Variants in ANXA3 observed in about 807,000 individuals in gnomAD.
ANXA3 encodes the protein 35-alpha calcimedin.
Under a neutral mutation model 48.8 loss-of-function variants are expected in ANXA3, and 46 were observed. That is an observed-to-expected ratio of 0.94 (90% CI 0.74 to 1.21). ANXA3 has a LOEUF of 1.21. ANXA3 is among the 50% of genes most tolerant of loss of function. The probability of loss-of-function intolerance (pLI) is 0.00; values close to 1 mark genes in which losing one functional copy is unlikely to be tolerated. For missense variants in ANXA3, 383 were observed against 378.6 expected (o/e 1.01, Z -0.10); for synonymous variants, 128 against 134.7 (o/e 0.95, Z 0.35).
chr4:78,587,500 C>G (rs1723202864), intron 6 of ANXA3, among the ~76,000 whole-genome samples: 1 of 152,204 alleles, frequency 6.6e-6, no homozygotes, highest in Non-Finnish European at 1.5e-5. Context: ...CAGCCCAATT[C>G]TCTACTATTC....
intron 3 of ANXA3, among the ~76,000 whole-genome samples, chr4:78,573,772 T>A (rs1274958074): frequency 6.6e-6 from 1 of 152,198 alleles, no homozygotes; most frequent in Non-Finnish European, 1.5e-5. Context: ...GAAACTGTAG[T>A]GCCACCCCTT....
At chr4:78,592,270 GAA>G (rs1326420078) in intron 7 of ANXA3, among the ~76,000 whole-genome samples, 2 of 152,150 alleles carry the variant, frequency 1.3e-5, no homozygotes, top group African/African-American at 4.8e-5. Flanking sequence ...GTGTAAGAGA[GAA>G]CGTGATTTAA....
intron 2 of ANXA3, among the ~76,000 whole-genome samples, chr4:78,558,304 G>A (rs1370282111): frequency 2.0e-5 from 3 of 152,206 alleles, no homozygotes; most frequent in Admixed American, 6.5e-5. Flanking sequence ...TTCTGAAGAT[G>A]TTTCAAAACA....
At chr4:78,553,633 C>T (rs796865664) in intron 1 of ANXA3, among the ~76,000 whole-genome samples, 31 of 152,306 alleles carry the variant, frequency 2.0e-4, no homozygotes, top group African/African-American at 7.2e-4. Context: ...CAGTATTAGA[C>T]TCTAACTGGA....
chr4:78,586,405 T>G, intron 6 of ANXA3, 55 bp downstream of exon 6: 1 of 1,366,964 alleles, frequency 7.3e-7, no homozygotes, highest in Non-Finnish European at 1.0e-6. Context: ...GAGCCAATGT[T>G]GCTTTTCCTA....
intron 2 of ANXA3, among the ~76,000 whole-genome samples, chr4:78,565,371 G>A (rs1722710358): frequency 6.6e-6 from 1 of 152,220 alleles, no homozygotes. Context: ...TGACTCAGAT[G>A]TTCAAGTACG....
chr4:78,568,363 C>A (rs988219619), intron 2 of ANXA3, among the ~76,000 whole-genome samples: 1 of 152,214 alleles, frequency 6.6e-6, no homozygotes, highest in Non-Finnish European at 1.5e-5. Flanking sequence ...CATGACCCAA[C>A]ATAGCATCTT....
intron 6 of ANXA3, among the ~76,000 whole-genome samples, chr4:78,589,864 TCTTAA>T (rs1294527103): frequency 6.6e-6 from 1 of 152,180 alleles, no homozygotes; most frequent in African/African-American, 2.4e-5. Flanking sequence ...AGATCTAAAT[TCTTAA>T]CTTTTTTCGG....
intron 6 of ANXA3, among the ~76,000 whole-genome samples, chr4:78,591,167 A>G (rs1409951605): frequency 6.6e-6 from 1 of 152,232 alleles, no homozygotes; most frequent in Non-Finnish European, 1.5e-5. Context: ...TGTGTACATT[A>G]TATCTTGCTT....
intron 4 of ANXA3, among the ~76,000 whole-genome samples, chr4:78,581,311 A>C (rs1222425832): frequency 1.3e-5 from 2 of 152,200 alleles, no homozygotes; most frequent in Non-Finnish European, 2.9e-5. Flanking sequence ...AATATTGAAA[A>C]TAGAAACCCT....
At chr4:78,592,971 T>A (rs556285978) in intron 7 of ANXA3, among the ~76,000 whole-genome samples, 7 of 152,266 alleles carry the variant, frequency 4.6e-5, no homozygotes, top group African/African-American at 1.7e-4. Context: ...TGTTTAAAAA[T>A]AGGAACAAAT....
rs1045576117 is a variant in ANXA3, at chr4:78,610,268, C to T, written c.*153C>T. 4.3e-6 allele frequency: 2 copies of T among 464,708 alleles called. No homozygotes were observed. The highest frequency in any genetic ancestry group is 4.0e-5 in the Admixed American group (1 of 25,022). 28.8% of individuals were successfully genotyped at this position (464,708 alleles called of 1,614,324 possible). A position where few individuals can be genotyped will look rare whatever the true frequency, so the allele number is the denominator to read the frequency against. On this transcript the variant is annotated 3_prime_UTR_variant, in exon 13 of 13. Coordinates refer to ENST00000264908, the MANE Select transcript of ANXA3 (RefSeq NM_005139.3). ...TGTTCTATAACAACAACAACAAAAG[C>T]GATTATTATTTTAGAGCATCTCATT...
rs145060219 is a variant in ANXA3, at chr4:78,595,141, A to AAT, written c.484-227_484-226dup. 8.0e-4 allele frequency among the ~76,000 whole-genome samples: 121 copies of AAT among 151,360 alleles called. 1 individual carries two copies. The highest frequency in any genetic ancestry group is 2.2e-3 in the African/African-American group (90 of 41,236). Reference sequence around the variant, plus strand: ...AACAGAGAGTGAGAACCTGTCTCTAAATATATATATATATGAATTTTCGGA... The same window carrying AAT: ...AACAGAGAGTGAGAACCTGTCTCTAAATATATATATATATATGAATTTTCGGA... On this transcript the variant is annotated intron_variant, in intron 7 of 12. Coordinates refer to ENST00000264908, the MANE Select transcript of ANXA3 (RefSeq NM_005139.3).
intron 2 of ANXA3, among the ~76,000 whole-genome samples, chr4:78,561,597 G>A (rs903839270): frequency 3.9e-5 from 6 of 152,048 alleles, no homozygotes; most frequent in Non-Finnish European, 7.4e-5. Flanking sequence ...AACGTGTGAG[G>A]AGAAAGCTGT....
chr4:78,563,189 A>C (rs1211564270), intron 2 of ANXA3, among the ~76,000 whole-genome samples: 1 of 152,170 alleles, frequency 6.6e-6, no homozygotes, highest in Non-Finnish European at 1.5e-5. Context: ...AAAATAATGC[A>C]TTTACCATCA....
At chr4:78,579,147 A>G in intron 4 of ANXA3, 26 bp downstream of exon 4, 4 of 1,506,358 alleles carry the variant, frequency 2.7e-6, no homozygotes, top group Non-Finnish European at 3.7e-6. Flanking sequence ...CATGACAGGC[A>G]GTAAAGAGAT....
At chr4:78,592,320 A>G (rs577030613) in intron 7 of ANXA3, among the ~76,000 whole-genome samples, 2 of 152,340 alleles carry the variant, frequency 1.3e-5, no homozygotes, top group African/African-American at 4.8e-5. Flanking sequence ...TGATTTACAT[A>G]GCACCTAAAT....
At chr4:78,552,643 C>A (rs36039411) in intron 1 of ANXA3, among the ~76,000 whole-genome samples, 40,483 of 152,080 alleles carry the variant, frequency 0.27, 6,182 homozygotes, top group Non-Finnish European at 0.34. Context: ...GCTACTGATA[C>A]GAAATTGCAT....
At chr4:78,602,568 G>A (rs11735840) in intron 11 of ANXA3, 12,186 of 152,176 alleles carry the variant, frequency 0.08, 633 homozygotes, top group African/African-American at 0.14. Flanking sequence ...TAATGATGCC[G>A]TAACCCTGTG....
Sources: allele counts gnomAD v4.1 joint callset (sites outside exome capture counted in the v4.1 genomes callset), GRCh38; gene constraint gnomAD v4.1.1; transcripts MANE v1.5; gene names NCBI Gene and HGNC (gene_info 2026-07-23, HGNC 2026-07-21).